RLF: variants seen among roughly 807,000 people sequenced by gnomAD.
RLF encodes zinc finger protein Rlf.
RLF carries 7 observed loss-of-function variants against 162.9 expected under a neutral mutation model. The observed-to-expected ratio is 0.04, with a 90% CI of 0.02 to 0.08. The LOEUF (loss-of-function observed/expected upper bound fraction) is 0.08, where lower values mean the gene tolerates loss of function less well. RLF is among the 10% of genes least tolerant of loss of function. The pLI is 1.00. For missense variants in RLF, 1,664 were observed against 2,244.7 expected, an observed-to-expected ratio of 0.74 and a Z score of 5.23; for synonymous variants, 782 against 791.5, an observed-to-expected ratio of 0.99 and a Z score of 0.20.
chr1:40,167,454 T>A (rs186579648), intron 1 of RLF, among the ~76,000 whole-genome samples: 89 of 152,276 alleles, frequency 5.8e-4, no homozygotes, highest in Non-Finnish European at 1.0e-3. Flanking sequence ...GTGAAAACTT[T>A]GGGTGCTGTC....
intron 5 of RLF, among the ~76,000 whole-genome samples, chr1:40,218,292 G>A (rs180941622): frequency 3.9e-5 from 6 of 152,250 alleles, no homozygotes; most frequent in African/African-American, 1.4e-4. Context: ...TCCGTCTTCT[G>A]AGGGCAAAAG....
At chr1:40,174,849 T>G (rs1642298055) in intron 1 of RLF, among the ~76,000 whole-genome samples, 1 of 152,114 alleles carries the variant, frequency 6.6e-6, no homozygotes, top group Admixed American at 6.5e-5. Flanking sequence ...TTTATTTGGT[T>G]TTTTCTTCAT....
chr1:40,237,219 A>T lies in RLF; in HGVS notation c.2517A>T (p.Lys839Asn). Residue 839 changes from lysine (K) to asparagine (N), a missense_variant, in exon 8 of 8, where the codon AAA (lysine) becomes AAT (asparagine). Physicochemically the swap from Lys to Asn is moderately conservative, Grantham distance 94. Transcript: ENST00000372771. The surrounding 1 kb of genome is among the most constrained non-coding windows in gnomAD (Gnocchi z 4.4). ...ATGGAGACATAAAGAAATCAGTGAA[A>T]CTTGAGGAGTCTGCAACAGGTGAAA... is the stretch of plus-strand genomic sequence containing the variant. The part of the protein sequence containing the change: ...NSNGDIKKSV[K>N]LEESATGEKQ... 1 of 1,613,892 alleles carries T rather than the reference A, an allele frequency of 6.2e-7. No homozygotes were observed. Among genetic ancestry groups the T allele is most frequent in the Non-Finnish European group, 8.5e-7 (1 of 1,179,910 alleles).
chr1:40,179,067 T>C (rs564442662), intron 1 of RLF, among the ~76,000 whole-genome samples: 20 of 152,248 alleles, frequency 1.3e-4, no homozygotes, highest in African/African-American at 4.8e-4. Context: ...ACTTCCAGTC[T>C]CAGGTGATCC....
intron 5 of RLF, among the ~76,000 whole-genome samples, chr1:40,211,229 T>C (rs181313521): frequency 6.6e-6 from 1 of 152,194 alleles, no homozygotes; most frequent in African/African-American, 2.4e-5. Context: ...TGGTTTAATA[T>C]CGGTTGGTCT....
At chr1:40,173,440 ATATAT>A (rs779101648) in intron 1 of RLF, among the ~76,000 whole-genome samples, 1 of 151,522 alleles carries the variant, frequency 6.6e-6, no homozygotes, top group African/African-American at 2.4e-5. Context: ...TACCTTTTTC[ATATAT>A]TATGACTATT....
chr1:40,238,595 A>G lies in RLF; in HGVS notation c.3893A>G (p.Asn1298Ser), dbSNP rs756081091. 1.4e-5 allele frequency: 23 copies of G among 1,613,646 alleles called. No individual in the cohort carries two copies. The East Asian group carries it at 4.0e-4, about 28-fold the overall frequency. ...AGCAGGCGAACTGTTGCTAAAGGAA[A>G]TCTGTGTTATATTTTGAATAAATAC... ...RGSRRTVAKG[N>S]LCYILNKYHK... The change falls in exon 8 of 8, where the codon AAT becomes AGT. Residue 1298 changes from asparagine to serine, a missense_variant. Coordinates refer to ENST00000372771, the MANE Select transcript of RLF (RefSeq NM_012421.4). The surrounding 1 kb of genome is among the most constrained non-coding windows in gnomAD (Gnocchi z 5.2).
At chr1:40,193,127 C>CAAAAAAAAAAAAAA (rs76035508) in intron 3 of RLF, among the ~76,000 whole-genome samples, 1 of 65,168 alleles carries the variant, frequency 1.5e-5, no homozygotes, top group Non-Finnish European at 3.2e-5. Context: ...GTGGTCTTAG[C>CAAAAAAAAAAAAAA]AAAAAAAAAA....
chr1:40,198,301 C>CTTTTTTT, intron 4 of RLF, among the ~76,000 whole-genome samples: 1 of 123,806 alleles, frequency 8.1e-6, no homozygotes, highest in Non-Finnish European at 1.6e-5. Flanking sequence ...CGCCCGGCCT[C>CTTTTTTT]TTTTTTTTTT....
At chr1:40,170,650 T>A (rs61780415) in intron 1 of RLF, among the ~76,000 whole-genome samples, 1 of 152,136 alleles carries the variant, frequency 6.6e-6, no homozygotes, top group Non-Finnish European at 1.5e-5. Context: ...TTGCTAAAAT[T>A]TATTTGTAAA....
At chr1:40,167,343 C>T (rs962084175) in intron 1 of RLF, among the ~76,000 whole-genome samples, 14 of 152,086 alleles carry the variant, frequency 9.2e-5, no homozygotes, top group Non-Finnish European at 1.6e-4. Context: ...TTCTTTTTAG[C>T]GATATCTAAA....
intron 7 of RLF, 90 bp downstream of exon 7, chr1:40,231,748 G>A: frequency 8.1e-7 from 1 of 1,234,214 alleles, no homozygotes; most frequent in South Asian, 1.5e-5. Flanking sequence ...TTTAAAGGAA[G>A]ATAAGAAATA....
chr1:40,211,093 A>G (rs572774028), intron 5 of RLF, among the ~76,000 whole-genome samples: 1 of 152,324 alleles, frequency 6.6e-6, no homozygotes, highest in South Asian at 2.1e-4. Context: ...CTACAGTGGC[A>G]GAGGTGAGTA....
intron 1 of RLF, among the ~76,000 whole-genome samples, chr1:40,165,627 C>T (rs1393328841): frequency 2.6e-5 from 4 of 152,068 alleles, no homozygotes; most frequent in Non-Finnish European, 4.4e-5. Context: ...AATTTTATTG[C>T]TGTCACTGTC....
At chr1:40,164,928 A>G (rs1642145142) in intron 1 of RLF, among the ~76,000 whole-genome samples, 1 of 152,156 alleles carries the variant, frequency 6.6e-6, no homozygotes, top group South Asian at 2.1e-4. Flanking sequence ...CATTTTTCCT[A>G]GATTAGTGAT....
intron 3 of RLF, among the ~76,000 whole-genome samples, chr1:40,193,322 C>G (rs1195329610): frequency 6.6e-6 from 1 of 152,050 alleles, no homozygotes; most frequent in Non-Finnish European, 1.5e-5. Context: ...TATTAGATGT[C>G]TATTGGTAAC....
intron 6 of RLF, among the ~76,000 whole-genome samples, chr1:40,229,353 A>G (rs1200562525): frequency 6.6e-6 from 1 of 152,084 alleles, no homozygotes; most frequent in Non-Finnish European, 1.5e-5. Context: ...GGAAAGTAGC[A>G]CTAGCCAAAT....
intron 1 of RLF, among the ~76,000 whole-genome samples, chr1:40,165,694 C>T (rs1642155196): frequency 6.6e-6 from 1 of 152,184 alleles, no homozygotes; most frequent in Non-Finnish European, 1.5e-5. Flanking sequence ...TGTTTTCTGA[C>T]TGACATCTGC....
At position 40,191,465 on chromosome 1, in the gene RLF, A is replaced by G. The variant is rs377142918; in HGVS notation, c.474+612A>G. Among the ~76,000 whole-genome samples, 13 of 152,000 alleles carry G rather than the reference A, an allele frequency of 8.6e-5. 1 individual carries two copies. The highest frequency in any genetic ancestry group is 3.9e-4 in the East Asian group (2 of 5,166). Reference sequence around the variant, plus strand: ...AGGCAGGATAATCGCTTGAACCCAGAAGGCAGAGGTTGCAGTGAGCCAAGA... The same window carrying G: ...AGGCAGGATAATCGCTTGAACCCAGGAGGCAGAGGTTGCAGTGAGCCAAGA... On this transcript the variant is annotated intron_variant, in intron 3 of 7. Coordinates refer to ENST00000372771, the MANE Select transcript of RLF (RefSeq NM_012421.4).
Sources: allele counts gnomAD v4.1 joint callset (sites outside exome capture counted in the v4.1 genomes callset), GRCh38; gene constraint gnomAD v4.1.1; non-coding constraint Gnocchi (gnomAD v3.1); transcripts MANE v1.5; gene names NCBI Gene and HGNC (gene_info 2026-07-23, HGNC 2026-07-21).